Variants in C20orf96 observed in about 807,000 individuals in gnomAD.
C20orf96 encodes chromosome 20 open reading frame 96.
A neutral mutation model predicts 52.6 loss-of-function variants in C20orf96; 57 were observed. That is an observed-to-expected ratio of 1.08 (90% CI 0.88 to 1.35). The LOEUF (loss-of-function observed/expected upper bound fraction) is 1.35. Among genes scored for constraint, C20orf96 ranks in the 40% most tolerant of loss-of-function variants. The pLI is 0.00. For synonymous variants in C20orf96, 168 were observed against 157.2 expected, an observed-to-expected ratio of 1.07 and a Z score of -0.51; for missense variants, 478 against 443.6, an observed-to-expected ratio of 1.08 and a Z score of -0.70.
At chr20:273,976 AAGAGAAAGACAGAG>A (rs1404078363) in intron 10 of C20orf96, among the ~76,000 whole-genome samples, 3 of 150,220 alleles carry the variant, frequency 2.0e-5, no homozygotes, top group Admixed American at 2.0e-4. Context: ...AAAGAAAGAA[AAGAGAAAGACAGAG>A]AGAGAAAGAA....
chr20:277,290 G>C lies in C20orf96; in HGVS notation c.659C>G (p.Ser220Cys). 1 of 1,614,004 alleles carries C rather than the reference G, an allele frequency of 6.2e-7. No homozygotes were observed. The highest frequency in any genetic ancestry group is 8.5e-7 in the Non-Finnish European group (1 of 1,179,988). Residue 220 changes from serine (S) to cysteine (C), a missense_variant, in exon 7 of 11, where the codon TCC becomes TGC. Ser to Cys is a moderately radical substitution (Grantham distance 112, BLOSUM62 -1). Coordinates refer to ENST00000360321, the MANE Select transcript of C20orf96 (RefSeq NM_153269.3). Reference protein sequence around the residue: ...FLSTYMDHEYSIKSVQISTLM... With the variant: ...FLSTYMDHEYCIKSVQISTLM... ...AGTGGAGATCTGGACAGACTTGATG[G>C]AATACTCATGGTCCATGTAAGTGCT... is the stretch of plus-strand genomic sequence containing the variant.
rs546587373 is a variant in C20orf96 at position 273,769 on chromosome 20, C to T, written c.1031+2199G>A. Among the ~76,000 whole-genome samples the T allele has an allele frequency of 7.3e-5, 11 of 151,664 alleles. No individual in the cohort carries two copies. In the South Asian group the frequency reaches 1.5e-3, roughly 20 times the overall value. Reference sequence around the variant, plus strand: ...GTGCACACCTGTAATCCCAGCTACTCGGGAGGCTGAGACAAGAGAATCACT... The same window carrying T: ...GTGCACACCTGTAATCCCAGCTACTTGGGAGGCTGAGACAAGAGAATCACT... On this transcript the variant is annotated intron_variant, in intron 10 of 10. Coordinates refer to ENST00000360321, the MANE Select transcript of C20orf96 (RefSeq NM_153269.3).
chr20:289,450 T>A, intron 3 of C20orf96, 109 bp downstream of exon 3: 1 of 729,270 alleles, frequency 1.4e-6, no homozygotes. Context: ...GGGCATTGTT[T>A]ATTACATCAG....
At chr20:287,636 G>T (rs899569661) in intron 3 of C20orf96, among the ~76,000 whole-genome samples, 2 of 151,980 alleles carry the variant, frequency 1.3e-5, no homozygotes, top group African/African-American at 4.8e-5. Flanking sequence ...TCCTAAAAAG[G>T]TCTTTCATAA....
intron 3 of C20orf96, 121 bp from the exon 4 acceptor site, chr20:284,202 C>G: frequency 1.4e-6 from 1 of 710,350 alleles, no homozygotes; most frequent in South Asian, 1.6e-5. Flanking sequence ...CTCTGACTGC[C>G]TTATAATGTG....
chr20:283,204 G>A (rs73572431), intron 4 of C20orf96, among the ~76,000 whole-genome samples: 12,656 of 152,164 alleles, frequency 0.083, 847 homozygotes, highest in African/African-American at 0.19. Context: ...AATGTATAGC[G>A]AGGAAATTAA....
intron 4 of C20orf96, among the ~76,000 whole-genome samples, chr20:280,675 G>A (rs964648067): frequency 1.3e-5 from 2 of 152,182 alleles, no homozygotes; most frequent in African/African-American, 4.8e-5. Flanking sequence ...AAAACTGCAA[G>A]GCATGGCTGA....
chr20:288,162 C>CTTTTTCTT (rs1600191848), intron 3 of C20orf96, among the ~76,000 whole-genome samples: 1 of 93,090 alleles, frequency 1.1e-5, no homozygotes, highest in East Asian at 3.3e-4. Context: ...TCATTTCTTT[C>CTTTTTCTT]TTTTTCTTTT....
chr20:279,271 G>A lies in C20orf96; in HGVS notation c.366C>T (p.Leu122=). The change falls in exon 5 of 11, where the codon CTC becomes CTT. Residue 122 remains leucine (L), a synonymous_variant. Coordinates refer to ENST00000360321, the MANE Select transcript of C20orf96 (RefSeq NM_153269.3). ...LRELRSRENF[L]SKLNRELIET... ...CGATCAGCTCCCGGTTGAGCTTGCT[G>A]AGGAAGTTCTCACGGCTTCGGAGCT... 1 of 1,610,908 alleles carries A rather than the reference G, an allele frequency of 6.2e-7. No homozygotes were observed. Among genetic ancestry groups the A allele is most frequent in the Middle Eastern group, 1.7e-4 (1 of 6,058 alleles).
At chr20:283,694 TAAAC>T (rs2012308791) in intron 4 of C20orf96, among the ~76,000 whole-genome samples, 2 of 152,034 alleles carry the variant, frequency 1.3e-5, no homozygotes, top group South Asian at 2.1e-4. Flanking sequence ...TCTTGAGTCT[TAAAC>T]AGAACAGCAA....
intron 2 of C20orf96, 142 bp from the exon 3 acceptor site, chr20:289,818 A>G (rs2012491792): frequency 7.6e-6 from 5 of 654,706 alleles, no homozygotes; most frequent in Non-Finnish European, 1.4e-5. Flanking sequence ...CTAATAATAA[A>G]ACCTACTTCT....
chr20:277,486 CTG>C, intron 6 of C20orf96, 103 bp from the exon 7 acceptor site: 1 of 1,207,110 alleles, frequency 8.3e-7, no homozygotes, highest in Non-Finnish European at 1.2e-6. Context: ...TGGCCAGTAA[CTG>C]GGGTCTGGGC....
At chr20:272,962 ATC>A (rs1338311667) in intron 10 of C20orf96, among the ~76,000 whole-genome samples, 5 of 152,128 alleles carry the variant, frequency 3.3e-5, no homozygotes, top group African/African-American at 1.2e-4. Context: ...CTCCTTGCCA[ATC>A]TCATCCCCAT....
At chr20:274,427 C>G (rs1400037156) in intron 10 of C20orf96, among the ~76,000 whole-genome samples, 1 of 152,186 alleles carries the variant, frequency 6.6e-6, no homozygotes, top group African/African-American at 2.4e-5. Flanking sequence ...TGCCCCAAGG[C>G]CTGGCTCCAC....
At position 281,208 on chromosome 20, in the gene C20orf96, G is replaced by A. The variant is rs115970203; in HGVS notation, c.307-1878C>T. 6.1e-3 allele frequency among the ~76,000 whole-genome samples: 927 copies of A among 152,258 alleles called. 8 individuals carry two copies. Among genetic ancestry groups the A allele is most frequent in the African/African-American group, 0.021 (865 of 41,536 alleles). ...ACAATTTTAAAAAATTAAAATGTTC[G>A]CTGGGCATGGTGGTGTGCACCTATA... On this transcript the variant is annotated intron_variant, in intron 4 of 10. Transcript: ENST00000360321.
At chr20:275,831 G>T (rs374380145) in intron 10 of C20orf96, 137 bp downstream of exon 10, 1 of 800,778 alleles carries the variant, frequency 1.2e-6, no homozygotes, top group East Asian at 2.5e-5. Context: ...CAGATCCAAG[G>T]TGGAAACCCA....
At chr20:272,448 C>G (rs1268005745) in intron 10 of C20orf96, among the ~76,000 whole-genome samples, 1 of 152,194 alleles carries the variant, frequency 6.6e-6, no homozygotes, top group Non-Finnish European at 1.5e-5. Flanking sequence ...CTCACTGCAG[C>G]CTGGAACTCC....
At chr20:278,297 G>T in intron 6 of C20orf96, 33 bp downstream of exon 6, 1 of 1,538,268 alleles carries the variant, frequency 6.5e-7, no homozygotes, top group Non-Finnish European at 9.0e-7. Context: ...GGTGCCAGGG[G>T]GGAGGGTCAA....
chr20:271,312 G>A (rs1206061464), intron 10 of C20orf96, 45 bp from the exon 11 acceptor site: 13 of 1,479,986 alleles, frequency 8.8e-6, no homozygotes, highest in South Asian at 5.1e-5. Flanking sequence ...CAGAGGTGGC[G>A]GTGTGGGAGC....
Sources: allele counts gnomAD v4.1 joint callset (sites outside exome capture counted in the v4.1 genomes callset), GRCh38; gene constraint gnomAD v4.1.1; transcripts MANE v1.5; gene names NCBI Gene and HGNC (gene_info 2026-07-23, HGNC 2026-07-21).